The following THSD4 variants were observed in gnomAD, a reference collection of about 807,000 sequenced individuals.
THSD4 encodes thrombospondin type-1 domain-containing protein 4.
In THSD4, 69 loss-of-function variants were observed where a neutral mutation model predicts 119.0. The observed-to-expected ratio is 0.58, with a 90% CI of 0.48 to 0.71. The LOEUF is 0.71. Among genes scored for constraint, THSD4 ranks in the 30% least tolerant of loss-of-function variants. The pLI is 0.00. For synonymous variants in THSD4, 524 were observed against 540.4 expected (o/e 0.97, Z 0.42); for missense variants, 1,393 against 1,391.1 (o/e 1.00, Z -0.02).
At position 71,780,648 on chromosome 15, in the gene THSD4, C is replaced by T. The variant is rs1157311508; in HGVS notation, c.*3274C>T. The T allele has an allele frequency of 4.4e-6, 2 of 456,708 alleles. No homozygotes were observed. Among genetic ancestry groups the T allele is most frequent in the Non-Finnish European group, 8.8e-6 (2 of 226,962 alleles). The allele number at this position is 456,708 out of a possible 1,614,324, so 28.3% of individuals were successfully genotyped here. Reference sequence around the variant, plus strand: ...AAGCTGTTGGGGACCCCAGGGAGGGCAAGGCAGCCTGTCCCCGCCCCCAGG... The same window carrying T: ...AAGCTGTTGGGGACCCCAGGGAGGGTAAGGCAGCCTGTCCCCGCCCCCAGG... On this transcript the variant is annotated 3_prime_UTR_variant, in exon 18 of 18. Transcript: ENST00000261862.
intron 8 of THSD4, among the ~76,000 whole-genome samples, chr15:71,703,174 C>T (rs2052326219): frequency 6.6e-6 from 1 of 152,066 alleles, no homozygotes; most frequent in African/African-American, 2.4e-5. Context: ...AGAGATTTGC[C>T]ATGTTGGCCA....
At chr15:71,529,887 C>T (rs1216492610) in intron 7 of THSD4, among the ~76,000 whole-genome samples, 1 of 152,118 alleles carries the variant, frequency 6.6e-6, no homozygotes, top group African/African-American at 2.4e-5. Context: ...ATATTAAAAC[C>T]CTACCCTTTC....
intron 6 of THSD4, among the ~76,000 whole-genome samples, chr15:71,285,896 TTTTCTTTAAAAATGTGCGTAG>T (rs1250259677): frequency 6.6e-6 from 1 of 151,298 alleles, no homozygotes; most frequent in Non-Finnish European, 1.5e-5. Flanking sequence ...TTCTAGTGAT[TTTTCTTTAAAAATGTGCGTAG>T]TTTCTTTATT....
intron 17 of THSD4, among the ~76,000 whole-genome samples, chr15:71,775,473 G>T (rs1316413259): frequency 6.6e-6 from 1 of 152,102 alleles, no homozygotes; most frequent in East Asian, 1.9e-4. Context: ...ACTTCGGGAG[G>T]CCAAGGCAGG....
At chr15:71,101,846 T>G (rs1193228091) in intron 1 of THSD4, among the ~76,000 whole-genome samples, 1 of 152,080 alleles carries the variant, frequency 6.6e-6, no homozygotes, top group Non-Finnish European at 1.5e-5. Flanking sequence ...CCTGAGTAGC[T>G]GGGACTACGG....
intron 7 of THSD4, among the ~76,000 whole-genome samples, chr15:71,505,686 G>A (rs1479191845): frequency 6.6e-6 from 1 of 152,216 alleles, no homozygotes; most frequent in Non-Finnish European, 1.5e-5. Flanking sequence ...GGAAAAATAA[G>A]CTTCAAATAG....
intron 1 of THSD4, among the ~76,000 whole-genome samples, chr15:71,102,725 C>A (rs1188099081): frequency 6.6e-6 from 1 of 152,034 alleles, no homozygotes; most frequent in Non-Finnish European, 1.5e-5. Context: ...CCACCATGCC[C>A]AGCTAATTTT....
At chr15:71,498,779 T>C (rs983394312) in intron 7 of THSD4, among the ~76,000 whole-genome samples, 1 of 151,834 alleles carries the variant, frequency 6.6e-6, no homozygotes, top group Non-Finnish European at 1.5e-5. Context: ...CACAGCAGCC[T>C]CACCCTCCTG....
At chr15:71,718,994 T>C (rs1013592963) in intron 8 of THSD4, among the ~76,000 whole-genome samples, 4 of 152,196 alleles carry the variant, frequency 2.6e-5, no homozygotes, top group Admixed American at 6.5e-5. Context: ...TATTATACCA[T>C]AGGTGGGATC....
At chr15:71,680,830 TTAA>T in intron 8 of THSD4, among the ~76,000 whole-genome samples, 1 of 152,266 alleles carries the variant, frequency 6.6e-6, no homozygotes, top group Middle Eastern at 3.4e-3. Flanking sequence ...ATTGGGAAGG[TTAA>T]ATAAGGTAAA....
chr15:71,612,676 A>C (rs1317840389), intron 7 of THSD4, among the ~76,000 whole-genome samples: 1 of 152,204 alleles, frequency 6.6e-6, no homozygotes, highest in Non-Finnish European at 1.5e-5. Flanking sequence ...CATGTCTGCT[A>C]TGCCTTCTGA....
At chr15:71,349,447 C>T (rs947318465) in intron 6 of THSD4, among the ~76,000 whole-genome samples, 7 of 152,134 alleles carry the variant, frequency 4.6e-5, no homozygotes, top group Non-Finnish European at 8.8e-5. Flanking sequence ...GTCCATCTCC[C>T]CCTGCCCCTA....
intron 8 of THSD4, among the ~76,000 whole-genome samples, chr15:71,720,022 C>CTTT (rs750020826): frequency 2.6e-5 from 3 of 114,466 alleles, no homozygotes; most frequent in Non-Finnish European, 1.6e-5. Flanking sequence ...ATAACATGTG[C>CTTT]TTTTTTTTTT....
At chr15:71,409,747 G>T (rs1263395855) in intron 6 of THSD4, among the ~76,000 whole-genome samples, 1 of 152,094 alleles carries the variant, frequency 6.6e-6, no homozygotes, top group Non-Finnish European at 1.5e-5. Context: ...GTGACAGTCA[G>T]GCAGCCACAC....
At chr15:71,219,510 G>T (rs975419255) in intron 4 of THSD4, among the ~76,000 whole-genome samples, 5 of 152,184 alleles carry the variant, frequency 3.3e-5, no homozygotes, top group Admixed American at 2.0e-4. Context: ...CTGATTTGTA[G>T]GTCAGTTATA....
rs111500391 is a variant in THSD4, at chr15:71,542,529, G to A, written c.1153-118001G>A. Among the ~76,000 whole-genome samples the A allele has an allele frequency of 4.3e-3, 659 of 152,186 alleles. 3 individuals are homozygous for A. Among genetic ancestry groups the A allele is most frequent in the African/African-American group, 0.015 (637 of 41,512 alleles). ...ATAAGAAGGGCATTTTGCTTCTATA[G>A]TATTCTTCGTAAAAACTCATTAACC... On this transcript the variant is annotated intron_variant, in intron 7 of 17. Coordinates refer to ENST00000261862, the MANE Select transcript of THSD4 (RefSeq NM_024817.3).
At chr15:71,271,418 G>A (rs1375051100) in intron 6 of THSD4, among the ~76,000 whole-genome samples, 2 of 152,202 alleles carry the variant, frequency 1.3e-5, no homozygotes, top group Non-Finnish European at 2.9e-5. Flanking sequence ...TCTATAATAG[G>A]AAAAATTAGG....
chr15:71,191,417 G>C (rs986513186), intron 3 of THSD4, among the ~76,000 whole-genome samples: 1 of 152,188 alleles, frequency 6.6e-6, no homozygotes, highest in African/African-American at 2.4e-5. Flanking sequence ...TTCATGTCTG[G>C]TTTGCCTTTC....
intron 7 of THSD4, among the ~76,000 whole-genome samples, chr15:71,588,391 T>G (rs923795554): frequency 6.6e-6 from 1 of 151,688 alleles, no homozygotes; most frequent in South Asian, 2.1e-4. Flanking sequence ...GGTGCTTTTA[T>G]TTATTTTTTT....
Sources: gnomAD v4.1 joint callset for allele counts (sites outside exome capture counted in the v4.1 genomes callset) on GRCh38, gnomAD v4.1.1 for gene constraint, MANE v1.5 for transcripts, NCBI Gene and HGNC (gene_info 2026-07-23, HGNC 2026-07-21) for gene names.